Variants in CADM2 observed in about 807,000 individuals in gnomAD.
CADM2 encodes the protein cell adhesion molecule 2.
Under a neutral mutation model 49.8 loss-of-function variants are expected in CADM2, and 12 were observed. The ratio of observed to expected loss-of-function variants is 0.24; its 90% confidence interval spans 0.15 to 0.39. The LOEUF is 0.39. Ranked by LOEUF, CADM2 falls within the 10% of genes least tolerant of loss-of-function variation. CADM2 has a pLI of 1.00. For missense variants in CADM2, 378 were observed against 492.3 expected, an observed-to-expected ratio of 0.77 and a Z score of 2.20; for synonymous variants, 214 against 175.4, an observed-to-expected ratio of 1.22 and a Z score of -1.74.
chr3:85,360,081 A>T (rs923494850), intron 1 of CADM2, among the ~76,000 whole-genome samples: 1 of 151,792 alleles, frequency 6.6e-6, no homozygotes, highest in Non-Finnish European at 1.5e-5. Context: ...ATACAAAATA[A>T]TTTTTTTCAT....
At chr3:85,992,724 G>C in intron 8 of CADM2, 1 of 152,176 alleles carries the variant, frequency 6.6e-6, no homozygotes, top group East Asian at 1.9e-4. Flanking sequence ...ACTAAAAAAT[G>C]CTAATGATCG....
intron 1 of CADM2, among the ~76,000 whole-genome samples, chr3:85,054,930 G>A (rs1355043034): frequency 6.6e-6 from 1 of 151,934 alleles, no homozygotes; most frequent in Non-Finnish European, 1.5e-5. Context: ...CTTTGCTGCT[G>A]TGAAAAATGA....
intron 8 of CADM2, among the ~76,000 whole-genome samples, chr3:86,039,273 G>A (rs576179627): frequency 1.3e-5 from 2 of 151,934 alleles, no homozygotes; most frequent in East Asian, 1.9e-4. Flanking sequence ...GTGAGGCATT[G>A]CCTCACCTGG....
intron 1 of CADM2, among the ~76,000 whole-genome samples, chr3:85,570,169 A>G (rs952611127): frequency 6.6e-6 from 1 of 152,092 alleles, no homozygotes; most frequent in African/African-American, 2.4e-5. Flanking sequence ...ACATTTCCTG[A>G]TATATTTTTC....
chr3:85,032,290 A>T (rs185775993), intron 1 of CADM2, among the ~76,000 whole-genome samples: 5 of 152,042 alleles, frequency 3.3e-5, no homozygotes, highest in Non-Finnish European at 7.3e-5. Context: ...TAACATTGGC[A>T]TGAAAGACAA....
In CADM2 at chr3:85,896,118, C is replaced by A. The variant is rs559406273; in HGVS notation, c.529+9791C>A. Among the ~76,000 whole-genome samples the A allele has an allele frequency of 2.0e-5, 3 of 152,194 alleles. No homozygotes were observed. The South Asian group carries it at 6.2e-4, about 32-fold the overall frequency. On this transcript the variant is annotated intron_variant, in intron 5 of 9. Coordinates refer to ENST00000383699, the MANE Select transcript of CADM2 (RefSeq NM_001167675.2). ...TCAGCCTGGACAAAATAATGAGATC[C>A]TCTCTCTACAAAAAATTTAAAAATT... is the stretch of plus-strand genomic sequence containing the variant.
At chr3:85,685,589 G>T (rs972445232) in intron 1 of CADM2, among the ~76,000 whole-genome samples, 3 of 146,154 alleles carry the variant, frequency 2.1e-5, no homozygotes, top group African/African-American at 5.0e-5. Flanking sequence ...CTGTACAATT[G>T]AACAATTGAA....
At chr3:85,315,377 C>T (rs185152401) in intron 1 of CADM2, among the ~76,000 whole-genome samples, 11 of 152,000 alleles carry the variant, frequency 7.2e-5, no homozygotes, top group African/African-American at 2.4e-4. Context: ...TCTTAAGTAT[C>T]GGGGGTTAAA....
chr3:85,592,652 T>C lies in CADM2; in HGVS notation c.62-133870T>C, dbSNP rs547321370. On this transcript the variant is annotated intron_variant, in intron 1 of 9. Coordinates refer to ENST00000383699, the MANE Select transcript of CADM2 (RefSeq NM_001167675.2). ...ATAGTCTCATACTCATGAATTTAGGTAAGAAATATAACTTGAGAAACTGCC... is the reference window on the plus strand; with the variant it reads ...ATAGTCTCATACTCATGAATTTAGGCAAGAAATATAACTTGAGAAACTGCC... 6.6e-5 allele frequency among the ~76,000 whole-genome samples: 10 copies of C among 152,030 alleles called. No individual in the cohort carries two copies. In the East Asian group the frequency reaches 1.9e-3, roughly 30 times the overall value.
At chr3:85,197,510 T>A (rs557541108) in intron 1 of CADM2, among the ~76,000 whole-genome samples, 2 of 151,910 alleles carry the variant, frequency 1.3e-5, no homozygotes, top group Non-Finnish European at 2.9e-5. Flanking sequence ...ATTTTACAGA[T>A]GAAGAAGCAG....
intron 1 of CADM2, among the ~76,000 whole-genome samples, chr3:85,672,761 A>G (rs1239063517): frequency 1.3e-5 from 2 of 152,158 alleles, no homozygotes; most frequent in South Asian, 2.1e-4. Flanking sequence ...ACTTTCTGAC[A>G]TGTTACAGAA....
intron 3 of CADM2, among the ~76,000 whole-genome samples, chr3:85,840,225 C>T (rs1456622578): frequency 6.6e-6 from 1 of 151,792 alleles, no homozygotes; most frequent in Non-Finnish European, 1.5e-5. Context: ...ATAAGTACAT[C>T]AAAATGCTTT....
At chr3:85,599,304 G>A (rs2063332174) in intron 1 of CADM2, among the ~76,000 whole-genome samples, 1 of 151,998 alleles carries the variant, frequency 6.6e-6, no homozygotes, top group Non-Finnish European at 1.5e-5. Context: ...GGTCTTGGCT[G>A]TCTTTTAAGG....
At chr3:85,175,271 C>T (rs2040748367) in intron 1 of CADM2, among the ~76,000 whole-genome samples, 1 of 152,138 alleles carries the variant, frequency 6.6e-6, no homozygotes, top group African/African-American at 2.4e-5. Context: ...CATGTCAGTG[C>T]ATGCACCCCC....
intron 1 of CADM2, among the ~76,000 whole-genome samples, chr3:85,176,024 G>C (rs1019712320): frequency 6.8e-6 from 1 of 146,370 alleles, no homozygotes; most frequent in East Asian, 2.0e-4. Context: ...CGCCTCCCGG[G>C]TTCACGCCAT....
At chr3:85,503,211 C>T (rs1273089649) in intron 1 of CADM2, among the ~76,000 whole-genome samples, 1 of 152,100 alleles carries the variant, frequency 6.6e-6, no homozygotes, top group East Asian at 1.9e-4. Flanking sequence ...AAAAATTTCT[C>T]AACAAGTTTA....
At chr3:85,100,692 T>G (rs992518237) in intron 1 of CADM2, among the ~76,000 whole-genome samples, 9 of 152,170 alleles carry the variant, frequency 5.9e-5, no homozygotes, top group Admixed American at 5.9e-4. Context: ...ATACACACTT[T>G]GGAATGGAGC....
At chr3:85,168,241 G>A (rs1410096693) in intron 1 of CADM2, among the ~76,000 whole-genome samples, 1 of 152,050 alleles carries the variant, frequency 6.6e-6, no homozygotes, top group African/African-American at 2.4e-5. Context: ...TGTTAGCAGA[G>A]ATGGGGTTTC....
intron 1 of CADM2, among the ~76,000 whole-genome samples, chr3:85,044,409 C>G (rs1042749325): frequency 6.6e-6 from 1 of 152,104 alleles, no homozygotes; most frequent in Non-Finnish European, 1.5e-5. Context: ...TGTTATAGCA[C>G]TGAATGATGA....
Sources: gnomAD v4.1 joint callset for allele counts (sites outside exome capture counted in the v4.1 genomes callset) on GRCh38, gnomAD v4.1.1 for gene constraint, MANE v1.5 for transcripts, NCBI Gene and HGNC (gene_info 2026-07-23, HGNC 2026-07-21) for gene names.